The following ELAVL4 variants were observed in gnomAD, a reference collection of about 807,000 sequenced individuals.
ELAVL4 encodes the protein ELAV-like protein 4.
A neutral mutation model predicts 35.6 loss-of-function variants in ELAVL4; 1 was observed. The observed-to-expected ratio is 0.03, with a 90% CI of 0.01 to 0.13. The LOEUF is 0.13. ELAVL4 is among the 10% of genes least tolerant of loss of function. The pLI is 1.00. For missense variants in ELAVL4, 267 were observed against 464.9 expected (o/e 0.57, Z 3.91); for synonymous variants, 156 against 171.0 (o/e 0.91, Z 0.69).
intron 2 of ELAVL4, among the ~76,000 whole-genome samples, chr1:50,169,237 T>C (rs1233545390): frequency 6.6e-6 from 1 of 152,108 alleles, no homozygotes; most frequent in African/African-American, 2.4e-5. Flanking sequence ...GCTGTTTAGA[T>C]GGTGCCCACC....
At chr1:50,154,581 T>C (rs1675381398) in intron 2 of ELAVL4, among the ~76,000 whole-genome samples, 1 of 152,222 alleles carries the variant, frequency 6.6e-6, no homozygotes, top group African/African-American at 2.4e-5. Context: ...TTATTGGTGA[T>C]ATAAGCATAA....
intron 1 of ELAVL4, among the ~76,000 whole-genome samples, chr1:50,139,224 A>T (rs1340184976): frequency 6.6e-6 from 1 of 152,184 alleles, no homozygotes; most frequent in East Asian, 1.9e-4. Flanking sequence ...TTCATTCTAC[A>T]GTCCTTTATC....
intron 1 of ELAVL4, among the ~76,000 whole-genome samples, chr1:50,135,869 T>A (rs555318185): frequency 6.6e-6 from 1 of 152,252 alleles, no homozygotes; most frequent in East Asian, 1.9e-4. Flanking sequence ...CCTAGTCCAG[T>A]GGTCTTTGTG....
At chr1:50,106,552 G>A (rs375608104), upstream of ELAVL4, among the ~76,000 whole-genome samples, 1 of 152,018 alleles carries the variant, frequency 6.6e-6, no homozygotes, top group Non-Finnish European at 1.5e-5. Flanking sequence ...CCTGATTCTT[G>A]AGATAATATA....
intron 2 of ELAVL4, among the ~76,000 whole-genome samples, chr1:50,160,754 T>G (rs1401678289): frequency 2.0e-5 from 3 of 152,272 alleles, no homozygotes; most frequent in Admixed American, 1.3e-4. Context: ...TGTCTTTCAC[T>G]TTGAATAAGG....
intron 2 of ELAVL4, among the ~76,000 whole-genome samples, chr1:50,167,405 A>C (rs1241834837): frequency 6.6e-6 from 1 of 152,206 alleles, no homozygotes; most frequent in Admixed American, 6.5e-5. Flanking sequence ...TCTCGGCAGA[A>C]GCATTGTGTG....
rs1671304303 is a variant in ELAVL4 at position 50,133,617 on chromosome 1, A to AAGAAAGAAAG, written c.10-11338_10-11329dup. ...AAGAAAGAAAAGAAAGAAAGAAAGA[A>AAGAAAGAAAG]AGAAAGAAAGAAAGAAAGAAAGAAA... On this transcript the variant is annotated intron_variant, in intron 1 of 6. Transcript: ENST00000371824. 1.4e-5 allele frequency among the ~76,000 whole-genome samples: 2 copies of AAGAAAGAAAG among 147,460 alleles called. 1 individual carries two copies.
chr1:50,101,462 A>G (rs571174451), upstream of ELAVL4, among the ~76,000 whole-genome samples: 3 of 152,362 alleles, frequency 2.0e-5, no homozygotes, highest in South Asian at 6.2e-4. Context: ...GCATGTCACA[A>G]AGAAATCTTT....
intron 1 of ELAVL4, among the ~76,000 whole-genome samples, chr1:50,051,346 A>C (rs1004030820): frequency 1.3e-5 from 2 of 152,180 alleles, no homozygotes. Context: ...GCCTTGCTAG[A>C]TACAAGTTTC....
At chr1:50,050,103 A>G (rs1305026075) in intron 1 of ELAVL4, among the ~76,000 whole-genome samples, 1 of 152,228 alleles carries the variant, frequency 6.6e-6, no homozygotes, top group Non-Finnish European at 1.5e-5. Context: ...TGTGACTTGC[A>G]TAATTAATTT....
chr1:50,138,985 TG>T (rs1672361117), intron 1 of ELAVL4, among the ~76,000 whole-genome samples: 1 of 152,176 alleles, frequency 6.6e-6, no homozygotes. Context: ...TGGCAAATTT[TG>T]CTATGTGTAT....
At chr1:50,129,794 AC>A (rs1283112343) in intron 1 of ELAVL4, among the ~76,000 whole-genome samples, 1 of 152,164 alleles carries the variant, frequency 6.6e-6, no homozygotes, top group Non-Finnish European at 1.5e-5. Flanking sequence ...AGATTAGTCA[AC>A]TTTGCCACCT....
intron 1 of ELAVL4, among the ~76,000 whole-genome samples, chr1:50,089,849 C>T (rs1339067856): frequency 6.6e-6 from 1 of 152,122 alleles, no homozygotes; most frequent in African/African-American, 2.4e-5. Context: ...TCAGTGATAC[C>T]ATCAGGGGTG....
chr1:50,060,969 A>C (rs917098405), intron 1 of ELAVL4, among the ~76,000 whole-genome samples: 1 of 152,246 alleles, frequency 6.6e-6, no homozygotes, highest in Non-Finnish European at 1.5e-5. Flanking sequence ...AATATCCAGC[A>C]CAGAGTATCT....
intron 1 of ELAVL4, chr1:50,115,423 G>A (rs1306902220): frequency 2.6e-5 from 4 of 151,940 alleles, no homozygotes; most frequent in South Asian, 2.1e-4. Context: ...TAGCATATGG[G>A]ATTTTTTTAA....
chr1:50,100,236 C>G (rs1226347417), upstream of ELAVL4, among the ~76,000 whole-genome samples: 1 of 152,162 alleles, frequency 6.6e-6, no homozygotes, highest in Non-Finnish European at 1.5e-5. Context: ...GTTCAACACA[C>G]AGTGAATGTT....
chr1:50,201,065 A>T lies in ELAVL4; in HGVS notation c.988A>T (p.Thr330Ser). ...TNKCKGFGFV[T>S]MTNYDEAAMA... ...CAAGTGCAAGGGATTCGGCTTTGTC[A>T]CCATGACCAACTATGATGAGGCGGC... The change falls in exon 7 of 7, where the codon ACC (threonine) becomes TCC (serine). Residue 330 changes from threonine (T) to serine (S), a missense_variant. Transcript: ENST00000371824. The surrounding 1 kb of genome is among the most constrained non-coding windows in gnomAD (Gnocchi z 4.3). The T allele has an allele frequency of 6.2e-7, 1 of 1,614,094 alleles. No homozygotes were observed.
intron 1 of ELAVL4, among the ~76,000 whole-genome samples, chr1:50,085,784 T>C (rs934667632): frequency 2.6e-5 from 4 of 152,330 alleles, no homozygotes; most frequent in Admixed American, 6.5e-5. Context: ...AAATACTTTA[T>C]CCTCTGAGAC....
chr1:50,144,051 A>C (rs1031243377), intron 1 of ELAVL4, among the ~76,000 whole-genome samples: 2 of 152,062 alleles, frequency 1.3e-5, no homozygotes, highest in African/African-American at 4.8e-5. Context: ...AGCAGAAGTA[A>C]TTGCTTCTGT....
Sources: gnomAD v4.1 joint callset for allele counts (sites outside exome capture counted in the v4.1 genomes callset) on GRCh38, gnomAD v4.1.1 for gene constraint, Gnocchi (gnomAD v3.1) non-coding constraint, MANE v1.5 for transcripts, NCBI Gene and HGNC (gene_info 2026-07-23, HGNC 2026-07-21) for gene names.